The following IGF1R variants were observed in gnomAD, a reference collection of about 807,000 sequenced individuals.
IGF1R encodes insulin-like growth factor 1 receptor.
IGF1R carries 44 observed loss-of-function variants against 144.6 expected under a neutral mutation model. The observed-to-expected ratio is 0.30, with a 90% confidence interval of 0.24 to 0.39. The LOEUF is 0.39. Among genes scored for constraint, IGF1R ranks in the 10% least tolerant of loss-of-function variants. The pLI is 1.00. For synonymous variants in IGF1R, 795 were observed against 722.8 expected (o/e 1.10, Z -1.60); for missense variants, 1,355 against 1,833.7 (o/e 0.74, Z 4.77).
At chr15:98,763,199 A>C (rs960404749) in intron 2 of IGF1R, among the ~76,000 whole-genome samples, 2 of 152,234 alleles carry the variant, frequency 1.3e-5, no homozygotes, top group Admixed American at 1.3e-4. Flanking sequence ...TGTAAATGCC[A>C]TTTTGATAAG....
At chr15:98,890,157 C>T (rs904399344) in intron 2 of IGF1R, among the ~76,000 whole-genome samples, 2 of 152,186 alleles carry the variant, frequency 1.3e-5, no homozygotes, top group South Asian at 2.1e-4. Flanking sequence ...GCTACTCACC[C>T]ACTTGTCAGA....
Position 98,682,621 on chromosome 15 carries a change from C to G in IGF1R, c.95-24941C>G, listed in dbSNP as rs555480808. On this transcript the variant is annotated intron_variant, in intron 1 of 20. Coordinates refer to ENST00000650285, the MANE Select transcript of IGF1R (RefSeq NM_000875.5). ...GGAGTGCAGTGGCCTGATCTCGGCT[C>G]ACTGCAGCCTCTGCCTTCCGAGTTC... 1.6e-3 allele frequency among the ~76,000 whole-genome samples: 238 copies of G among 152,168 alleles called. 2 individuals carry two copies. The highest frequency in any genetic ancestry group is 4.6e-3 in the Admixed American group (70 of 15,278).
At chr15:98,711,326 G>T (rs547128520) in intron 2 of IGF1R, among the ~76,000 whole-genome samples, 7 of 152,300 alleles carry the variant, frequency 4.6e-5, no homozygotes, top group Non-Finnish European at 1.0e-4. Context: ...GGAGAAACAC[G>T]TCAAGGGTGT....
At chr15:98,668,520 C>G (rs759952878) in intron 1 of IGF1R, among the ~76,000 whole-genome samples, 1 of 152,198 alleles carries the variant, frequency 6.6e-6, no homozygotes, top group African/African-American at 2.4e-5. Context: ...GTGTAGTGCA[C>G]CTTCTGAGCA....
intron 2 of IGF1R, among the ~76,000 whole-genome samples, chr15:98,859,904 C>T (rs1312916258): frequency 6.6e-6 from 1 of 152,158 alleles, no homozygotes; most frequent in East Asian, 1.9e-4. Flanking sequence ...TTCATGACCA[C>T]ATGGGTAGTT....
rs1258969471 is a variant in IGF1R at position 98,939,482 on chromosome 15, C to G, written c.3457+122C>G. 2.2e-5 allele frequency: 20 copies of G among 918,344 alleles called. No homozygotes were observed. In the South Asian group the frequency reaches 2.6e-4, roughly 12 times the overall value. 56.9% of individuals were successfully genotyped at this position (918,344 alleles called of 1,614,324 possible). A position where few individuals can be genotyped will look rare whatever the true frequency, so the allele number is the denominator to read the frequency against. Reference sequence around the variant, plus strand: ...TGTCCCTTGAGTGCACGGACTCCTTCTTGGGAATGATGTGATTGTCTCCAG... The same window carrying G: ...TGTCCCTTGAGTGCACGGACTCCTTGTTGGGAATGATGTGATTGTCTCCAG... On this transcript the variant is annotated intron_variant, in intron 18 of 20. Transcript: ENST00000650285.
At chr15:98,739,050 T>C (rs1243433821) in intron 2 of IGF1R, among the ~76,000 whole-genome samples, 2 of 152,228 alleles carry the variant, frequency 1.3e-5, no homozygotes, top group African/African-American at 4.8e-5. Flanking sequence ...GAGTTTGCAT[T>C]GCTTTAAAAA....
In IGF1R at chr15:98,836,239, A is replaced by G. The variant is rs192018234; in HGVS notation, c.641-55086A>G. Among the ~76,000 whole-genome samples the G allele has an allele frequency of 3.3e-5, 5 of 152,240 alleles. No individual in the cohort carries two copies. In the East Asian group the frequency reaches 9.6e-4, roughly 29 times the overall value. On this transcript the variant is annotated intron_variant, in intron 2 of 20. Transcript: ENST00000650285. ...TGAAATAATTTTAGACTTACAAAAAAGTTGAAAAAGCATCCAGGCATGGTG... is the reference window on the plus strand; with the variant it reads ...TGAAATAATTTTAGACTTACAAAAAGGTTGAAAAAGCATCCAGGCATGGTG...
At chr15:98,832,111 C>A (rs1452174487) in intron 2 of IGF1R, among the ~76,000 whole-genome samples, 1 of 152,102 alleles carries the variant, frequency 6.6e-6, no homozygotes, top group Non-Finnish European at 1.5e-5. Flanking sequence ...TCTTTAGACT[C>A]CAAGAAATTC....
chr15:98,840,433 A>C (rs574517271), intron 2 of IGF1R, among the ~76,000 whole-genome samples: 2 of 152,228 alleles, frequency 1.3e-5, no homozygotes, highest in East Asian at 3.9e-4. Flanking sequence ...GGGAGGAGAA[A>C]GTGTACTGGA....
chr15:98,891,438 C>T lies in IGF1R; in HGVS notation c.754C>T (p.Arg252Cys), dbSNP rs375391097. 3.7e-6 allele frequency: 6 copies of T among 1,613,856 alleles called. No homozygotes were observed. Among genetic ancestry groups the T allele is most frequent in the African/African-American group, 1.3e-5 (1 of 74,926 alleles). ...CAACGACACGGCCTGTGTAGCTTGC[C>T]GCCACTACTACTATGCCGGTGTCTG... ...PDNDTACVAC[R>C]HYYYAGVCVP... The change falls in exon 3 of 21, where the codon CGC (arginine) becomes TGC (cysteine). Residue 252 changes from arginine to cysteine, a missense_variant. Physicochemically the swap from Arg to Cys is radical, Grantham distance 180 (BLOSUM62 -3). This residue lies in a region of IGF1R where 880 missense variants were observed against 1,202.7 expected (regional missense o/e 0.73). Transcript: ENST00000650285. This position sits in a 1 kb window ranked among gnomAD's most constrained non-coding sequence, Gnocchi z 4.7.
chr15:98,851,368 CA>C (rs1054615124), intron 2 of IGF1R, among the ~76,000 whole-genome samples: 1 of 152,194 alleles, frequency 6.6e-6, no homozygotes, highest in Non-Finnish European at 1.5e-5. Context: ...TTTACGTTTT[CA>C]GCTTGGACAG....
At chr15:98,675,826 C>CTTTTTTTT (rs869068918) in intron 1 of IGF1R, among the ~76,000 whole-genome samples, 32 of 46,156 alleles carry the variant, frequency 6.9e-4, no homozygotes, top group African/African-American at 1.1e-3. Context: ...TTCTTTCTTT[C>CTTTTTTTT]TTTTTTTTTT....
intron 2 of IGF1R, among the ~76,000 whole-genome samples, chr15:98,732,866 C>T (rs1206081800): frequency 6.6e-6 from 1 of 151,952 alleles, no homozygotes; most frequent in African/African-American, 2.4e-5. Flanking sequence ...TCCTGGGACA[C>T]CTGTTTTGGG....
At chr15:98,712,324 G>T (rs1322249978) in intron 2 of IGF1R, among the ~76,000 whole-genome samples, 1 of 152,116 alleles carries the variant, frequency 6.6e-6, no homozygotes, top group African/African-American at 2.4e-5. Flanking sequence ...TTTCACTACA[G>T]CCTCTGATGG....
chr15:98,877,827 G>A (rs934603273), intron 2 of IGF1R, among the ~76,000 whole-genome samples: 2 of 152,160 alleles, frequency 1.3e-5, no homozygotes, highest in African/African-American at 4.8e-5. Flanking sequence ...CAGTTCTGCT[G>A]TTGTTGACAA....
In IGF1R at chr15:98,924,178, G is replaced by C. The variant is rs536873096; in HGVS notation, c.2622+166G>C. ...TTTCTACCCACTCTGTACTCTCCAA[G>C]GAGTACTGCATAGTGTGCAAAGAGC... On this transcript the variant is annotated intron_variant, in intron 12 of 20. Coordinates refer to ENST00000650285, the MANE Select transcript of IGF1R (RefSeq NM_000875.5). 2.0e-5 allele frequency among the ~76,000 whole-genome samples: 3 copies of C among 152,344 alleles called. No individual in the cohort carries two copies. The South Asian group carries it at 6.2e-4, about 32-fold the overall frequency.
At chr15:98,714,736 T>C (rs571916965) in intron 2 of IGF1R, among the ~76,000 whole-genome samples, 59 of 152,286 alleles carry the variant, frequency 3.9e-4, no homozygotes, top group South Asian at 1.7e-3. Flanking sequence ...GTAAATCACC[T>C]GCTGGATGGG....
In IGF1R at chr15:98,934,853, C is replaced by G; in HGVS notation, c.2986C>G (p.Arg996Gly). 1 of 1,613,952 alleles carries G rather than the reference C, an allele frequency of 6.2e-7. No individual in the cohort carries two copies. The highest frequency in any genetic ancestry group is 8.5e-7 in the Non-Finnish European group (1 of 1,179,998). Residue 996 changes from arginine to glycine, a missense_variant, in exon 16 of 21, where the codon CGG becomes GGG. Around this residue, in one of 7 missense-constraint regions of IGF1R, gnomAD observed 880 missense variants for 1,202.7 expected, o/e 0.73. Coordinates refer to ENST00000650285, the MANE Select transcript of IGF1R (RefSeq NM_000875.5). Reference protein sequence around the residue: ...VYVPDEWEVAREKITMSRELG... With the variant: ...VYVPDEWEVAGEKITMSRELG... ...CGTTCCTGATGAGTGGGAGGTGGCT[C>G]GGGAGAAGATCACCATGAGCCGGGA...
Sources: allele counts gnomAD v4.1 joint callset (sites outside exome capture counted in the v4.1 genomes callset), GRCh38; gene constraint gnomAD v4.1.1; regional missense constraint gnomAD v4.1.1; non-coding constraint Gnocchi (gnomAD v3.1); transcripts MANE v1.5; gene names NCBI Gene and HGNC (gene_info 2026-07-23, HGNC 2026-07-21).